The following ELFN2 variants were observed in gnomAD, a reference collection of about 807,000 sequenced individuals.
The protein encoded by ELFN2 is extracellular leucine rich repeat and fibronectin type III domain containing 2, also known as protein phosphatase 1 regulatory subunit 29.
A neutral mutation model predicts 45.5 loss-of-function variants in ELFN2; 17 were observed. That is an observed-to-expected ratio of 0.37 (90% CI 0.26 to 0.56). ELFN2 has a LOEUF of 0.56. Ranked by LOEUF, ELFN2 falls within the 20% of genes least tolerant of loss-of-function variation. The pLI, the probability that ELFN2 is intolerant of heterozygous loss-of-function variation, is 0.77. For missense variants in ELFN2, 922 were observed against 1,183.2 expected (o/e 0.78, Z 3.24); for synonymous variants, 550 against 551.5 (o/e 1.00, Z 0.04).
Position 37,373,537 on chromosome 22 carries a change from C to CT in ELFN2, c.1997dup (p.Ser668GlnfsTer73), listed in dbSNP as rs1931451541. ...CCAGCGGGCTGTTGAGGGGGCTGCC[C>CT]TTCTCGATGTACTTGGAGTCGCCCT... On this transcript the variant is annotated frameshift_variant, in exon 3 of 3. Coordinates refer to ENST00000402918, the MANE Select transcript of ELFN2 (RefSeq NM_052906.5). LOFTEE classifies it high-confidence loss of function. 6.3e-7 allele frequency: 1 copy of CT among 1,583,868 alleles called. No individual in the cohort carries two copies. The highest frequency in any genetic ancestry group is 1.8e-5 in the Admixed American group (1 of 55,368).
At chr22:37,360,989 G>T (rs560872008) in intron 1 of ELFN2, among the ~76,000 whole-genome samples, 2 of 152,234 alleles carry the variant, frequency 1.3e-5, no homozygotes, top group South Asian at 4.1e-4. Flanking sequence ...AGCCACTCGA[G>T]GCTCCACTGT....
intron 2 of ELFN2, among the ~76,000 whole-genome samples, chr22:37,410,217 GGA>G (rs959224394): frequency 5.5e-4 from 83 of 152,170 alleles, no homozygotes; most frequent in African/African-American, 1.9e-3. Context: ...AAAGAGACAG[GGA>G]GAGAGAGAGA....
At chr22:37,403,512 C>T (rs1410149612) in intron 2 of ELFN2, among the ~76,000 whole-genome samples, 8 of 152,216 alleles carry the variant, frequency 5.3e-5, no homozygotes, top group East Asian at 1.9e-4. Context: ...CCATCTGTGC[C>T]TTGGCTGGAT....
At chr22:37,394,686 G>T (rs563641473) in intron 2 of ELFN2, among the ~76,000 whole-genome samples, 1 of 152,210 alleles carries the variant, frequency 6.6e-6, no homozygotes, top group Non-Finnish European at 1.5e-5. Flanking sequence ...CCTACGGGCC[G>T]TGGTGACTGT....
rs1052628966 is a variant in ELFN2 at position 37,375,299 on chromosome 22, C to T, written c.236G>A (p.Gly79Glu). 8 of 1,613,974 alleles carry T rather than the reference C, an allele frequency of 5.0e-6. No homozygotes were observed. The highest frequency in any genetic ancestry group is 1.3e-5 in the African/African-American group (1 of 74,890). The change falls in exon 3 of 3, where the codon GGG (glycine) becomes GAG (glutamate). Residue 79 changes from glycine to glutamate, a missense_variant. Around this residue, in one of 2 missense-constraint regions of ELFN2, gnomAD observed 358 missense variants for 540.4 expected, o/e 0.66. Coordinates refer to ENST00000402918, the MANE Select transcript of ELFN2 (RefSeq NM_052906.5). ...GGTGAGGTTGAGGTCGGTGAGGTTC[C>T]CAAAGCGGTTGAGCGAGGAGTAGAG... ...AVLYSSLNRFGNLTDLNLTKN... is the reference protein window; with the variant it reads ...AVLYSSLNRFENLTDLNLTKN...
intron 2 of ELFN2, among the ~76,000 whole-genome samples, chr22:37,398,920 C>T (rs1488551444): frequency 1.3e-5 from 2 of 152,122 alleles, no homozygotes; most frequent in African/African-American, 4.8e-5. Flanking sequence ...AAGAAACACC[C>T]CCTGTAATTC....
chr22:37,354,245 G>C (rs1310510708), intron 1 of ELFN2: 1 of 152,218 alleles, frequency 6.6e-6, no homozygotes, highest in Non-Finnish European at 1.5e-5. Context: ...TGGCAGGACT[G>C]CAAAGGGCCT....
Position 37,372,932 on chromosome 22 carries a change from G to A in ELFN2, c.*140C>T, listed in dbSNP as rs993239384. 107 of 857,580 alleles carry A rather than the reference G, an allele frequency of 1.2e-4. No individual in the cohort carries two copies. The highest frequency in any genetic ancestry group is 1.8e-4 in the Non-Finnish European group (101 of 572,578). 53.1% of individuals were successfully genotyped at this position (857,580 alleles called of 1,614,324 possible). On this transcript the variant is annotated 3_prime_UTR_variant, in exon 3 of 3. Transcript: ENST00000402918. The surrounding 1 kb of genome is among the most constrained non-coding windows in gnomAD (Gnocchi z 4.4). Reference sequence around the variant, plus strand: ...GGGTGGTGGTCAGGTGTGTGTGTGCGTGCGTGCGTGCGGGTCTGCATGTGC... The same window carrying A: ...GGGTGGTGGTCAGGTGTGTGTGTGCATGCGTGCGTGCGGGTCTGCATGTGC...
At chr22:37,426,115 G>C (rs1241726083) in intron 1 of ELFN2, among the ~76,000 whole-genome samples, 2 of 151,836 alleles carry the variant, frequency 1.3e-5, no homozygotes, top group African/African-American at 4.8e-5. Context: ...GTCTCAGCAA[G>C]GGACCAAGGC....
At chr22:37,390,440 G>A (rs530054888) in intron 2 of ELFN2, among the ~76,000 whole-genome samples, 1 of 152,198 alleles carries the variant, frequency 6.6e-6, no homozygotes, top group African/African-American at 2.4e-5. Context: ...CCCACCAAAG[G>A]GTGGCCCAAA....
chr22:37,418,200 T>TGCAGAGAGAGATGGAG (rs1334306091), intron 1 of ELFN2, among the ~76,000 whole-genome samples: 3 of 150,196 alleles, frequency 2.0e-5, no homozygotes, highest in Non-Finnish European at 4.4e-5. Context: ...GATGGAGAGA[T>TGCAGAGAGAGATGGAG]GCAGAGAGAG....
chr22:37,392,906 T>G (rs140134410), intron 2 of ELFN2, among the ~76,000 whole-genome samples: 2 of 152,366 alleles, frequency 1.3e-5, no homozygotes, highest in Admixed American at 6.5e-5. Context: ...AGGAGCCCCA[T>G]TAATCATTCA....
Position 37,368,695 on chromosome 22 carries a change from A to G in ELFN2, c.*4377T>C, listed in dbSNP as rs1438073528. On this transcript the variant is annotated 3_prime_UTR_variant, in exon 3 of 3. Coordinates refer to ENST00000402918, the MANE Select transcript of ELFN2 (RefSeq NM_052906.5). The stretch of plus-strand genomic sequence containing the variant: ...TGCCCTAACCTTCACACTGGCTTCC[A>G]CGGGCAAAGTAAGCCCCTCAGGGCT... 1 of 152,310 alleles carries G rather than the reference A, an allele frequency of 6.6e-6. No homozygotes were observed. The highest frequency in any genetic ancestry group is 1.5e-5 in the Non-Finnish European group (1 of 68,092). The allele number at this position is 152,310 out of a possible 1,614,324, so 9.4% of individuals were successfully genotyped here. A position where few individuals can be genotyped will look rare whatever the true frequency, so the allele number is the denominator to read the frequency against.
chr22:37,415,915 A>G (rs1454415131), intron 2 of ELFN2, among the ~76,000 whole-genome samples: 1 of 152,236 alleles, frequency 6.6e-6, no homozygotes, highest in Non-Finnish European at 1.5e-5. Flanking sequence ...GTGAGCAGAG[A>G]TAGTGCCACT....
chr22:37,345,021 G>A (rs958598794), intron 1 of ELFN2, among the ~76,000 whole-genome samples: 3 of 152,148 alleles, frequency 2.0e-5, no homozygotes, highest in Non-Finnish European at 2.9e-5. Flanking sequence ...GAGGGGCCAC[G>A]CTCCCGTCAG....
intron 2 of ELFN2, among the ~76,000 whole-genome samples, chr22:37,396,381 G>C (rs972201526): frequency 9.2e-5 from 14 of 152,204 alleles, no homozygotes; most frequent in Non-Finnish European, 1.8e-4. Context: ...GCGTGCAGAA[G>C]AGGCTCAGCA....
intron 2 of ELFN2, among the ~76,000 whole-genome samples, chr22:37,402,759 C>A (rs1353841765): frequency 6.6e-6 from 1 of 152,162 alleles, no homozygotes; most frequent in African/African-American, 2.4e-5. Flanking sequence ...TGGTGTTCAG[C>A]CTCCAGGGGC....
intron 1 of ELFN2, among the ~76,000 whole-genome samples, chr22:37,356,093 G>C (rs1042594940): frequency 4.1e-4 from 62 of 152,296 alleles, no homozygotes; most frequent in African/African-American, 1.4e-3. Flanking sequence ...AGTGAGACGG[G>C]GGTTGGGAGA....
At chr22:37,409,711 A>G (rs927927547) in intron 2 of ELFN2, among the ~76,000 whole-genome samples, 15 of 152,188 alleles carry the variant, frequency 9.9e-5, no homozygotes, top group African/African-American at 3.4e-4. Flanking sequence ...GGCACTCACA[A>G]CAGGGAAATG....
Sources: gnomAD v4.1 joint callset for allele counts (sites outside exome capture counted in the v4.1 genomes callset) on GRCh38, gnomAD v4.1.1 for gene constraint, gnomAD v4.1.1 regional missense constraint, Gnocchi (gnomAD v3.1) non-coding constraint, MANE v1.5 for transcripts, NCBI Gene and HGNC (gene_info 2026-07-23, HGNC 2026-07-21) for gene names.